The following PTGR1 variants were observed in gnomAD, a reference collection of about 807,000 sequenced individuals.
PTGR1 encodes prostaglandin reductase 1, also known as 15-oxoprostaglandin 13-reductase.
In PTGR1, 23 loss-of-function variants were observed where a neutral mutation model predicts 37.7. The ratio of observed to expected loss-of-function variants is 0.61; its 90% CI spans 0.44 to 0.86. The LOEUF is 0.86. Among genes scored for constraint, PTGR1 ranks in the 40% least tolerant of loss-of-function variants. The pLI is 0.00. For missense variants in PTGR1, 351 were observed against 394.3 expected, an observed-to-expected ratio of 0.89 and a Z score of 0.93; for synonymous variants, 134 against 140.0, an observed-to-expected ratio of 0.96 and a Z score of 0.30.
rs202238773 is a variant in PTGR1, at chr9:111,578,823, A to G, written c.624T>C (p.Pro208=). 1 of 1,606,574 alleles carries G rather than the reference A, an allele frequency of 6.2e-7. No homozygotes were observed. The highest frequency in any genetic ancestry group is 2.2e-5 in the East Asian group (1 of 44,854). The change falls in exon 7 of 10, where the codon CCT becomes CCC. Residue 208 remains proline (P), a synonymous_variant. Coordinates refer to ENST00000407693, the MANE Select transcript of PTGR1 (RefSeq NM_001146108.2). ...TATCAAAATAACAATCATAACCATC[A>G]GGAGACGCTTTCTTCAAGGTTTCTT... is the stretch of plus-strand genomic sequence containing the variant. ...SLEETLKKAS[P]DGYDCYFDNV... is the part of the protein sequence containing the mutation.
At chr9:111,566,866 T>C (rs1383363328) in intron 9 of PTGR1, among the ~76,000 whole-genome samples, 10 of 152,004 alleles carry the variant, frequency 6.6e-5, no homozygotes, top group Non-Finnish European at 1.2e-4. Context: ...AGATGATTAA[T>C]TGCTATGGAT....
At chr9:111,560,972 T>TAG (rs1564607799), downstream of PTGR1, among the ~76,000 whole-genome samples, 2 of 21,320 alleles carry the variant, frequency 9.4e-5, no homozygotes, top group Non-Finnish European at 1.7e-4. Flanking sequence ...TATATATATA[T>TAG]ATAGAGAGAG....
intron 4 of PTGR1, among the ~76,000 whole-genome samples, chr9:111,590,365 A>T (rs1829574030): frequency 6.7e-6 from 1 of 148,904 alleles, no homozygotes; most frequent in Non-Finnish European, 1.5e-5. Context: ...ACATTCATAC[A>T]TTTTTTTTTT....
rs1170334255 is a variant in PTGR1, at chr9:111,586,803, C to CTA, written c.210-640_210-639dup. 6.6e-3 allele frequency among the ~76,000 whole-genome samples: 955 copies of CTA among 143,724 alleles called. 13 individuals are homozygous for CTA. Among genetic ancestry groups the CTA allele is most frequent in the African/African-American group, 0.021 (796 of 38,818 alleles). 94.3% of individuals were successfully genotyped at this position (143,724 alleles called of 152,430 possible). A position where few individuals can be genotyped will look rare whatever the true frequency, so the allele number is the denominator to read the frequency against. On this transcript the variant is annotated intron_variant, in intron 4 of 9. Coordinates refer to ENST00000407693, the MANE Select transcript of PTGR1 (RefSeq NM_001146108.2). ...TTCCACTCTCTCTCTCTCTCTCTCTCTATATATATATATATATGCATACTT... is the reference window on the plus strand; with the variant it reads ...TTCCACTCTCTCTCTCTCTCTCTCTCTATATATATATATATATATGCATACTT...
chr9:111,595,114 C>G (rs1343516647), intron 2 of PTGR1, among the ~76,000 whole-genome samples: 1 of 151,776 alleles, frequency 6.6e-6, no homozygotes, highest in East Asian at 1.9e-4. Context: ...CTTGGCCTCC[C>G]AAAGTGCTGG....
Position 111,578,878 on chromosome 9 carries a change from A to T in PTGR1, c.569T>A (p.Val190Asp). ...AGACTCTACCGTCTTGTAGTTAAAG[A>T]CGACATCAAATCCAAGCTTTTGAAG... ...AYLQKLGFDV[V>D]FNYKTVESLE... The change falls in exon 7 of 10, where the codon GTC becomes GAC. Residue 190 changes from valine (V) to aspartate (D), a missense_variant. By Grantham distance (152) the Val-to-Asp change is radical (BLOSUM62 -3). Transcript: ENST00000407693. 6.2e-7 allele frequency: 1 copy of T among 1,613,310 alleles called. No homozygotes were observed. Among genetic ancestry groups the T allele is most frequent in the Non-Finnish European group, 8.5e-7 (1 of 1,179,678 alleles).
intron 2 of PTGR1, 59 bp downstream of exon 2, chr9:111,597,258 C>A: frequency 7.7e-7 from 1 of 1,293,714 alleles, no homozygotes; most frequent in Non-Finnish European, 1.1e-6. Context: ...GTTTGTTATG[C>A]AGCAAAAGCT....
downstream of PTGR1, among the ~76,000 whole-genome samples, chr9:111,559,607 CACAT>C (rs1345347233): frequency 6.6e-6 from 1 of 151,572 alleles, no homozygotes; most frequent in African/African-American, 2.4e-5. Context: ...CTCACACACA[CACAT>C]ATACAACATA....
chr9:111,561,912 T>G (rs1828335164), downstream of PTGR1, among the ~76,000 whole-genome samples: 1 of 149,328 alleles, frequency 6.7e-6, no homozygotes, highest in African/African-American at 2.5e-5. Flanking sequence ...TGAGATGGAG[T>G]TTTGCTCTTG....
At chr9:111,549,860 C>G in intron 9 of PTGR1, 1 of 1,060,012 alleles carries the variant, frequency 9.4e-7, no homozygotes, top group Non-Finnish European at 1.4e-6. Flanking sequence ...GCTTTAAAGT[C>G]TGTCTAGTGA....
downstream of PTGR1, among the ~76,000 whole-genome samples, chr9:111,559,361 C>T (rs560087472): frequency 3.7e-4 from 57 of 152,154 alleles, no homozygotes; most frequent in African/African-American, 1.2e-3. Flanking sequence ...GGCAGCCCTG[C>T]GATTCCAATG....
intron 4 of PTGR1, among the ~76,000 whole-genome samples, chr9:111,586,801 C>CTATA (rs1452353673): frequency 8.2e-4 from 121 of 147,046 alleles, no homozygotes; most frequent in Middle Eastern, 3.5e-3. Flanking sequence ...CTCTCTCTCT[C>CTATA]TCTATATATA....
intron 2 of PTGR1, among the ~76,000 whole-genome samples, chr9:111,596,120 G>A (rs1004259068): frequency 6.6e-6 from 1 of 152,246 alleles, no homozygotes; most frequent in Admixed American, 6.5e-5. Context: ...ATGTGACATC[G>A]AGGATTCACA....
intron 9 of PTGR1, among the ~76,000 whole-genome samples, chr9:111,551,809 C>T (rs1827967379): frequency 1.3e-5 from 2 of 152,118 alleles, no homozygotes; most frequent in Admixed American, 1.3e-4. Context: ...TAAGTAAATT[C>T]AGTAACATAT....
rs80212117 is a variant in PTGR1, at chr9:111,594,323, T to C, written c.107-56A>G. 3.0e-3 allele frequency: 4,476 copies of C among 1,474,124 alleles called. 79 individuals are homozygous for C. In the African/African-American group the frequency reaches 0.038, roughly 12 times the overall value. 91.3% of individuals were successfully genotyped at this position (1,474,124 alleles called of 1,614,324 possible). A position where few individuals can be genotyped will look rare whatever the true frequency, so the allele number is the denominator to read the frequency against. ...GAAACTCAAGGCCTGAGAGGAACAA[T>C]AGACACTGAGCACCACTAGACAGGA... On this transcript the variant is annotated intron_variant, in intron 2 of 9. Transcript: ENST00000407693.
downstream of PTGR1, among the ~76,000 whole-genome samples, chr9:111,561,967 C>T (rs1441529476): frequency 6.6e-6 from 1 of 152,066 alleles, no homozygotes; most frequent in Admixed American, 6.6e-5. Flanking sequence ...CTCACTGCAA[C>T]GTCTGCCTCC....
intron 9 of PTGR1, among the ~76,000 whole-genome samples, chr9:111,565,752 TG>T (rs1235453950): frequency 6.6e-6 from 1 of 152,126 alleles, no homozygotes; most frequent in Non-Finnish European, 1.5e-5. Flanking sequence ...CTTGGACTCC[TG>T]GGCTCAAGCA....
At chr9:111,553,742 T>C (rs910227850) in intron 9 of PTGR1, among the ~76,000 whole-genome samples, 5 of 152,262 alleles carry the variant, frequency 3.3e-5, no homozygotes, top group Non-Finnish European at 5.9e-5. Flanking sequence ...TATTTGACTC[T>C]GCTTCTGTTT....
chr9:111,586,797 C>CTA (rs1434438625), intron 4 of PTGR1, among the ~76,000 whole-genome samples: 13 of 148,156 alleles, frequency 8.8e-5, no homozygotes, highest in South Asian at 4.4e-4. Context: ...CTCTCTCTCT[C>CTA]TCTCTCTATA....
Sources: allele counts gnomAD v4.1 joint callset (sites outside exome capture counted in the v4.1 genomes callset), GRCh38; gene constraint gnomAD v4.1.1; transcripts MANE v1.5; gene names NCBI Gene and HGNC (gene_info 2026-07-23, HGNC 2026-07-21).